The following TECR variants were observed in gnomAD, a reference collection of about 807,000 sequenced individuals.
TECR encodes very-long-chain enoyl-CoA reductase.
A neutral mutation model predicts 50.6 loss-of-function variants in TECR; 19 were observed. The observed-to-expected ratio is 0.38, with a 90% confidence interval of 0.26 to 0.55. The LOEUF (loss-of-function observed/expected upper bound fraction) is 0.55. Ranked by LOEUF, TECR falls within the 20% of genes least tolerant of loss-of-function variation. The pLI, the probability that TECR is intolerant of heterozygous loss-of-function variation, is 0.79. For synonymous variants in TECR, 168 were observed against 163.5 expected (o/e 1.03, Z -0.21); for missense variants, 313 against 408.3 (o/e 0.77, Z 2.01).
At chr19:14,565,422 C>T (rs1599508501) in intron 11 of TECR, 132 bp downstream of exon 11, 1 of 1,366,854 alleles carries the variant, frequency 7.3e-7, no homozygotes, top group Admixed American at 2.0e-5. Context: ...AGGTGGAGAC[C>T]GCGGCCTCTC....
chr19:14,562,584 G>T lies in TECR; in HGVS notation c.66+9G>T. The T allele has an allele frequency of 6.2e-7, 1 of 1,614,176 alleles. No homozygotes were observed. Among genetic ancestry groups the T allele is most frequent in the African/African-American group, 1.3e-5 (1 of 75,064 alleles). On this transcript the variant is annotated intron_variant, in intron 2 of 12. Coordinates refer to ENST00000215567, the MANE Select transcript of TECR (RefSeq NM_138501.6). ...TGTGTTTCTTGGACAAGGTAGGACT[G>T]GGGCGTGGGCTGCACTGGGCCAAGG...
chr19:14,563,573 C>T lies in TECR; in HGVS notation c.119-85C>T. ...CCTGGGGTCCTTGCACCCTGGGAAC[C>T]CTGAGAAGCTGGCACAGTGGCTGGG... On this transcript the variant is annotated intron_variant, in intron 3 of 12. Transcript: ENST00000215567. This position sits in a 1 kb window ranked among gnomAD's most constrained non-coding sequence, Gnocchi z 5.3. 6.3e-7 allele frequency: 1 copy of T among 1,586,068 alleles called. No homozygotes were observed. The highest frequency in any genetic ancestry group is 2.2e-5 in the East Asian group (1 of 44,492).
chr19:14,537,592 G>C (rs573539115), intron 1 of TECR, among the ~76,000 whole-genome samples: 2 of 152,276 alleles, frequency 1.3e-5, no homozygotes, highest in Admixed American at 6.5e-5. Context: ...CCTTGAGCTA[G>C]TTGGTCAAGT....
At chr19:14,564,584 C>T in intron 7 of TECR, 4 of 600,252 alleles carry the variant, frequency 6.7e-6, no homozygotes, top group Non-Finnish European at 1.2e-5. Flanking sequence ...CAGTTTCACC[C>T]CTAGGCCCCT....
chr19:14,560,488 T>C (rs555336025), intron 1 of TECR, among the ~76,000 whole-genome samples: 1 of 152,284 alleles, frequency 6.6e-6, no homozygotes, highest in East Asian at 1.9e-4. Flanking sequence ...TTCCCGTGGA[T>C]CCCGCCCCGT....
chr19:14,529,624 G>T lies in TECR; in HGVS notation c.-73G>T, dbSNP rs374570462. On this transcript the variant is annotated 5_prime_UTR_variant, in exon 1 of 13. Coordinates refer to ENST00000215567, the MANE Select transcript of TECR (RefSeq NM_138501.6). The stretch of plus-strand genomic sequence containing the variant: ...GTCTATCGCTGCGGTTGCGAGCGCT[G>T]TAGGGAGCCTGTGCTGTGCCGCGCA... The T allele has an allele frequency of 6.2e-7, 1 of 1,611,510 alleles. No individual in the cohort carries two copies. Among genetic ancestry groups the T allele is most frequent in the Non-Finnish European group, 8.5e-7 (1 of 1,178,096 alleles).
intron 1 of TECR, among the ~76,000 whole-genome samples, chr19:14,548,190 C>T (rs2073370327): frequency 6.6e-6 from 1 of 151,738 alleles, no homozygotes; most frequent in Admixed American, 6.6e-5. Flanking sequence ...TGTCGATCTC[C>T]TGACTTCATG....
In TECR at chr19:14,565,783, T is replaced by C; in HGVS notation, c.839T>C (p.Ile280Thr). Reference protein sequence around the residue: ...FSLVGFTQMTIWAKGKHRSYL... With the variant: ...FSLVGFTQMTTWAKGKHRSYL... ...CTGGTGGGCTTCACCCAGATGACCA[T>C]CTGGGCCAAGGGCAAGCACCGCAGC... Residue 280 changes from isoleucine (I) to threonine (T), a missense_variant, in exon 13 of 13, where the codon ATC (isoleucine) becomes ACC (threonine). Transcript: ENST00000215567. The C allele has an allele frequency of 6.2e-7, 1 of 1,610,146 alleles. No homozygotes were observed.
chr19:14,558,315 G>A (rs901431753), intron 1 of TECR, among the ~76,000 whole-genome samples: 1 of 152,144 alleles, frequency 6.6e-6, no homozygotes, highest in Non-Finnish European at 1.5e-5. Context: ...GCCCCCATTA[G>A]TAATATCTTC....
chr19:14,545,843 TC>T (rs2073288965), intron 1 of TECR: 1 of 152,802 alleles, frequency 6.5e-6, no homozygotes, highest in Non-Finnish European at 1.5e-5. Context: ...CCTGGCTTCT[TC>T]CTGCTGTCCC....
chr19:14,537,591 A>G (rs931034737), intron 1 of TECR, among the ~76,000 whole-genome samples: 3 of 152,104 alleles, frequency 2.0e-5, no homozygotes, highest in Non-Finnish European at 1.5e-5. Context: ...ACCTTGAGCT[A>G]GTTGGTCAAG....
chr19:14,533,358 T>G (rs1237851162), intron 1 of TECR, among the ~76,000 whole-genome samples: 3 of 151,780 alleles, frequency 2.0e-5, no homozygotes, highest in Non-Finnish European at 4.4e-5. Flanking sequence ...AGGTGGAGGT[T>G]GCAGTGAGCT....
At chr19:14,551,560 G>A (rs1395615523) in intron 1 of TECR, among the ~76,000 whole-genome samples, 1 of 152,170 alleles carries the variant, frequency 6.6e-6, no homozygotes, top group Non-Finnish European at 1.5e-5. Flanking sequence ...TCAGCATTGA[G>A]GACGCGCCCC....
In TECR at chr19:14,550,493, TC is replaced by T. The variant is rs368726391; in HGVS notation, c.16-12030del. ...CTCTGGCCCCCTTCCAGCTTCCTGGTCCGACAGCGCCTTCCTGCCCTGAGTT... is the reference window on the plus strand; with the variant it reads ...CTCTGGCCCCCTTCCAGCTTCCTGGTCGACAGCGCCTTCCTGCCCTGAGTT... On this transcript the variant is annotated intron_variant, in intron 1 of 12. Transcript: ENST00000215567. 4.3e-4 allele frequency among the ~76,000 whole-genome samples: 66 copies of T among 152,174 alleles called. 2 individuals are homozygous for T. Among genetic ancestry groups the T allele is most frequent in the African/African-American group, 1.4e-3 (60 of 41,550 alleles).
chr19:14,562,423 C>A, intron 1 of TECR, 102 bp from the exon 2 acceptor site: 2 of 1,312,522 alleles, frequency 1.5e-6, no homozygotes, highest in Non-Finnish European at 2.2e-6. Flanking sequence ...CTTGTTGGCC[C>A]GGGAGGCCAC....
intron 1 of TECR, among the ~76,000 whole-genome samples, chr19:14,553,957 A>G (rs2073629112): frequency 6.6e-6 from 1 of 152,046 alleles, no homozygotes; most frequent in African/African-American, 2.4e-5. Flanking sequence ...TGTGCCCCAG[A>G]CTCGGGAGAT....
chr19:14,556,493 A>C (rs1180026290), intron 1 of TECR, among the ~76,000 whole-genome samples: 1 of 151,686 alleles, frequency 6.6e-6, no homozygotes, highest in African/African-American at 2.4e-5. Flanking sequence ...GTGACAAAAC[A>C]TGCTATGGCT....
At chr19:14,550,542 C>A (rs2073463225) in intron 1 of TECR, among the ~76,000 whole-genome samples, 1 of 152,160 alleles carries the variant, frequency 6.6e-6, no homozygotes, top group Non-Finnish European at 1.5e-5. Context: ...AGGTGTCGTC[C>A]CCAACTGCCA....
chr19:14,554,594 C>G (rs2073653130), intron 1 of TECR, among the ~76,000 whole-genome samples: 1 of 152,184 alleles, frequency 6.6e-6, no homozygotes, highest in African/African-American at 2.4e-5. Flanking sequence ...CTGTGTGTGC[C>G]AGGCCTTCAG....
Sources: allele counts gnomAD v4.1 joint callset (sites outside exome capture counted in the v4.1 genomes callset), GRCh38; gene constraint gnomAD v4.1.1; non-coding constraint Gnocchi (gnomAD v3.1); transcripts MANE v1.5; gene names NCBI Gene and HGNC (gene_info 2026-07-23, HGNC 2026-07-21).